Variants in HSPA9 observed in about 807,000 individuals in gnomAD.
HSPA9 encodes the protein heat shock protein family A (Hsp70) member 9.
HSPA9 carries 28 observed loss-of-function variants against 81.5 expected under a neutral mutation model. The ratio of observed to expected loss-of-function variants is 0.34; its 90% CI spans 0.25 to 0.47. The LOEUF (loss-of-function observed/expected upper bound fraction) is 0.47, where lower values mean the gene tolerates loss of function less well. HSPA9 is among the 20% of genes least tolerant of loss of function. The pLI, the probability that HSPA9 is intolerant of heterozygous loss-of-function variation, is 1.00. For missense variants in HSPA9, 678 were observed against 838.0 expected, an observed-to-expected ratio of 0.81 and a Z score of 2.36; for synonymous variants, 293 against 290.4, an observed-to-expected ratio of 1.01 and a Z score of -0.09.
Position 138,555,762 on chromosome 5 carries a change from T to C in HSPA9, c.*275A>G, listed in dbSNP as rs1307732258. 4.1e-6 allele frequency: 2 copies of C among 483,430 alleles called. No homozygotes were observed. Among genetic ancestry groups the C allele is most frequent in the African/African-American group, 2.0e-5 (1 of 51,028 alleles). The allele number at this position is 483,430 out of a possible 1,614,324, so 29.9% of individuals were successfully genotyped here. On this transcript the variant is annotated 3_prime_UTR_variant, in exon 17 of 17. Coordinates refer to ENST00000297185, the MANE Select transcript of HSPA9 (RefSeq NM_004134.7). ...GTCACTTCAGCATAAAATAGTTAAA[T>C]CTTTATAATGATCAATTCATCCTAC...
At position 138,575,304 on chromosome 5, in the gene HSPA9, G is replaced by A; in HGVS notation, c.15C>T (p.Ser5=). 6.2e-7 allele frequency: 1 copy of A among 1,612,136 alleles called. No homozygotes were observed. The highest frequency in any genetic ancestry group is 8.5e-7 in the Non-Finnish European group (1 of 1,179,460). MISA[S]RAAAARLVGA... ...CCACGAGACGGGCTGCTGCAGCTCG[G>A]CTGGCACTTATCATGGCGGATAAAT... Residue 5 remains serine, a synonymous_variant, in exon 1 of 17, where the codon AGC becomes AGT. Coordinates refer to ENST00000297185, the MANE Select transcript of HSPA9 (RefSeq NM_004134.7).
At chr5:138,557,613 G>C (rs1750555985) in intron 13 of HSPA9, 117 bp from the exon 14 acceptor site, 1 of 774,496 alleles carries the variant, frequency 1.3e-6, no homozygotes, top group Admixed American at 2.0e-5. Context: ...AAATTATGAA[G>C]AGGAGAAATA....
At chr5:138,574,172 G>A in intron 1 of HSPA9, 46 bp from the exon 2 acceptor site, 1 of 1,442,178 alleles carries the variant, frequency 6.9e-7, no homozygotes, top group Non-Finnish European at 9.8e-7. Flanking sequence ...TGTGTATCCT[G>A]GGAGGAAAAA....
intron 3 of HSPA9, among the ~76,000 whole-genome samples, 174 bp from the exon 4 acceptor site, chr5:138,571,315 G>A (rs1017531007): frequency 1.3e-5 from 2 of 152,084 alleles, no homozygotes; most frequent in Non-Finnish European, 2.9e-5. Flanking sequence ...CTAGTAGCTG[G>A]TACTATAGGC....
chr5:138,568,816 A>G, intron 5 of HSPA9, 109 bp downstream of exon 5: 1 of 1,186,714 alleles, frequency 8.4e-7, no homozygotes, highest in Non-Finnish European at 1.3e-6. Context: ...GTTTTTCTAT[A>G]CAAAAGGGAC....
chr5:138,558,669 GA>G lies in HSPA9; in HGVS notation c.1411-13del. The G allele has an allele frequency of 9.7e-6, 15 of 1,541,682 alleles. No individual in the cohort carries two copies. The highest frequency in any genetic ancestry group is 2.2e-5 in the East Asian group (1 of 44,542). ...GCAGTAGAGAATACCTAGGGAAGAA[GA>G]AACCCTCCTGGGTTGTCAATGTGAT... On this transcript the variant is annotated splice_polypyrimidine_tract_variant and intron_variant, in intron 11 of 16. Transcript: ENST00000297185.
At chr5:138,566,188 C>CAAA (rs1186233815) in intron 9 of HSPA9, among the ~76,000 whole-genome samples, 7 of 59,694 alleles carry the variant, frequency 1.2e-4, no homozygotes, top group East Asian at 8.3e-4. Context: ...AACTCTGTCT[C>CAAA]AAAAAAAAAA....
At chr5:138,566,944 G>C in intron 8 of HSPA9, 57 bp downstream of exon 8, 2 of 1,548,740 alleles carry the variant, frequency 1.3e-6, no homozygotes, top group Non-Finnish European at 1.8e-6. Flanking sequence ...AGAGCAATCT[G>C]AACAAAGAAT....
chr5:138,560,732 TAG>T (rs1561857743), intron 10 of HSPA9: 1 of 267,166 alleles, frequency 3.7e-6, no homozygotes. Flanking sequence ...ATATTTTTAG[TAG>T]AGACAGGGTT....
chr5:138,575,388 G>C lies in HSPA9; in HGVS notation c.-70C>G, dbSNP rs779607484. The C allele has an allele frequency of 7.4e-6, 10 of 1,352,762 alleles. No individual in the cohort carries two copies. Among genetic ancestry groups the C allele is most frequent in the South Asian group, 2.4e-5 (2 of 83,012 alleles). 83.8% of individuals were successfully genotyped at this position (1,352,762 alleles called of 1,614,324 possible). On this transcript the variant is annotated 5_prime_UTR_variant, in exon 1 of 17. Coordinates refer to ENST00000297185, the MANE Select transcript of HSPA9 (RefSeq NM_004134.7). ...CGGCAAAGAGCTGCGCGATGCGGTG[G>C]CGGCAGCGCTTCTGGAAACCTCCAA...
At chr5:138,558,750 C>T (rs769279596) in intron 11 of HSPA9, 93 bp from the exon 12 acceptor site, 2 of 802,260 alleles carry the variant, frequency 2.5e-6, no homozygotes, top group African/African-American at 1.7e-5. Flanking sequence ...CATTCCAAGA[C>T]TGGAAGACTC....
At chr5:138,556,727 G>T in intron 15 of HSPA9, 47 bp downstream of exon 15, 2 of 1,563,264 alleles carry the variant, frequency 1.3e-6, no homozygotes, top group Non-Finnish European at 1.8e-6. Flanking sequence ...CACTGGCATT[G>T]GTAAAAATGT....
intron 4 of HSPA9, among the ~76,000 whole-genome samples, chr5:138,569,359 C>T (rs1281517880): frequency 6.6e-6 from 1 of 152,148 alleles, no homozygotes; most frequent in African/African-American, 2.4e-5. Flanking sequence ...TTGATGAAAC[C>T]GTTACTGTAT....
chr5:138,558,455 GTGTA>G, intron 12 of HSPA9, 94 bp downstream of exon 12: 1 of 834,300 alleles, frequency 1.2e-6, no homozygotes, highest in Non-Finnish European at 2.1e-6. Context: ...CAGTATGTAT[GTGTA>G]TGCCAGCAGT....
chr5:138,561,944 CT>C (rs112918142), intron 9 of HSPA9, among the ~76,000 whole-genome samples, 155 bp from the exon 10 acceptor site: 2,063 of 145,410 alleles, frequency 0.014, 15 homozygotes, highest in Non-Finnish European at 0.017. Flanking sequence ...ACCAAGAATA[CT>C]TTTTTTTTTT....
chr5:138,556,880 G>A lies in HSPA9; in HGVS notation c.1729-14C>T, dbSNP rs370478027. On this transcript the variant is annotated splice_polypyrimidine_tract_variant and intron_variant, in intron 14 of 16. Transcript: ENST00000297185. ...TTCAACTCGTTCCTTAGAGAAATTA[G>A]AAGTTTAAACGAAGACTTTCCAATC... The A allele has an allele frequency of 1.9e-4, 307 of 1,599,376 alleles. 2 individuals carry two copies. The African/African-American group carries it at 3.8e-3, about 20-fold the overall frequency.
At chr5:138,557,047 T>C (rs953428161) in intron 14 of HSPA9, 181 bp from the exon 15 acceptor site, 6 of 651,528 alleles carry the variant, frequency 9.2e-6, no homozygotes, top group African/African-American at 9.1e-5. Flanking sequence ...GGCTAGATTT[T>C]GTAACATCAG....
rs1467746329 is a variant in HSPA9 at position 138,567,571 on chromosome 5, A to C, written c.610-10T>G. The C allele has an allele frequency of 6.2e-7, 1 of 1,613,226 alleles. No homozygotes were observed. Among genetic ancestry groups the C allele is most frequent in the Non-Finnish European group, 8.5e-7 (1 of 1,179,168 alleles). On this transcript the variant is annotated splice_polypyrimidine_tract_variant and intron_variant, in intron 6 of 16. Transcript: ENST00000297185. ...CAGCATCTTTAGTGGCCTAGAGAAA[A>C]CAAAGAGAAAAACATTTTTGTACCC...
chr5:138,570,398 A>T (rs959746900), intron 4 of HSPA9, among the ~76,000 whole-genome samples: 3 of 152,174 alleles, frequency 2.0e-5, no homozygotes, highest in Non-Finnish European at 4.4e-5. Context: ...TGCCTTATGT[A>T]TTCAACACTG....
Sources: gnomAD v4.1 joint callset for allele counts (sites outside exome capture counted in the v4.1 genomes callset) on GRCh38, gnomAD v4.1.1 for gene constraint, MANE v1.5 for transcripts, NCBI Gene and HGNC (gene_info 2026-07-23, HGNC 2026-07-21) for gene names.